The following RAP1A variants were observed in gnomAD, a reference collection of about 807,000 sequenced individuals.
The protein encoded by RAP1A is ras-related protein Rap-1A.
RAP1A carries 6 observed loss-of-function variants against 26.4 expected under a neutral mutation model. The ratio of observed to expected loss-of-function variants is 0.23; its 90% CI spans 0.12 to 0.45. The LOEUF (loss-of-function observed/expected upper bound fraction) is 0.45, where lower values mean the gene tolerates loss of function less well. Ranked by LOEUF, RAP1A falls within the 20% of genes least tolerant of loss-of-function variation. RAP1A has a pLI of 0.99. For synonymous variants in RAP1A, 73 were observed against 79.4 expected (o/e 0.92, Z 0.43); for missense variants, 121 against 217.2 (o/e 0.56, Z 2.78).
chr1:111,651,956 A>C (rs1660287339), intron 1 of RAP1A, among the ~76,000 whole-genome samples: 1 of 151,482 alleles, frequency 6.6e-6, no homozygotes, highest in African/African-American at 2.4e-5. Context: ...TTTTGTGCAA[A>C]AAGTTTAGTT....
chr1:111,615,967 G>C (rs1659007264), upstream of RAP1A, among the ~76,000 whole-genome samples: 1 of 152,142 alleles, frequency 6.6e-6, no homozygotes, highest in East Asian at 1.9e-4. Flanking sequence ...TTATTGAACA[G>C]TGCAGCTCAC....
chr1:111,635,136 C>T (rs1203061098), intron 1 of RAP1A, among the ~76,000 whole-genome samples: 1 of 152,074 alleles, frequency 6.6e-6, no homozygotes, highest in Non-Finnish European at 1.5e-5. Flanking sequence ...AAAACTAAAA[C>T]AGATGCAAAA....
At chr1:111,695,200 G>A in intron 2 of RAP1A, 141 bp from the exon 3 acceptor site, 1 of 366,304 alleles carries the variant, frequency 2.7e-6, no homozygotes, top group Non-Finnish European at 4.3e-6. Flanking sequence ...TATATTGAAA[G>A]AATTAATAAT....
intron 1 of RAP1A, among the ~76,000 whole-genome samples, chr1:111,573,092 T>C (rs1017948780): frequency 1.3e-5 from 2 of 152,236 alleles, no homozygotes; most frequent in African/African-American, 2.4e-5. Flanking sequence ...TTCTTTATTA[T>C]GGTTGCATAG....
chr1:111,618,782 A>G (rs1659068967), upstream of RAP1A, among the ~76,000 whole-genome samples: 1 of 152,094 alleles, frequency 6.6e-6, no homozygotes, highest in Non-Finnish European at 1.5e-5. Context: ...TTCACACACT[A>G]TGCCCCAAAT....
Position 111,704,327 on chromosome 1 carries a change from T to A in RAP1A, c.325-16T>A, listed in dbSNP as rs967884124. ...GAGTATGTTATTGTTCATTTTACGTTTTTTTCTTCCCACAGGTTCCAATGA... is the reference window on the plus strand; with the variant it reads ...GAGTATGTTATTGTTCATTTTACGTATTTTTCTTCCCACAGGTTCCAATGA... On this transcript the variant is annotated splice_polypyrimidine_tract_variant and intron_variant, in intron 5 of 7. Coordinates refer to ENST00000369709, the MANE Select transcript of RAP1A (RefSeq NM_002884.4). 9 of 1,612,006 alleles carry A rather than the reference T, an allele frequency of 5.6e-6. No homozygotes were observed. In the African/African-American group the frequency reaches 1.1e-4, roughly 19 times the overall value.
chr1:111,582,108 G>A lies in RAP1A; in HGVS notation c.-28+39599G>A, dbSNP rs550916112. Among the ~76,000 whole-genome samples the A allele has an allele frequency of 2.6e-5, 4 of 152,288 alleles. No homozygotes were observed. The South Asian group carries it at 8.3e-4, about 32-fold the overall frequency. On this transcript the variant is annotated intron_variant, in intron 1 of 7. Coordinates refer to the RAP1A transcript ENST00000356415. ...TCTTCATGCAATAACCAAGTCAAGT[G>A]ACATCTCAGCCTTGAATGATGAGCA...
intron 1 of RAP1A, among the ~76,000 whole-genome samples, chr1:111,581,100 A>G (rs1466528021): frequency 7.7e-6 from 1 of 129,722 alleles, no homozygotes; most frequent in Non-Finnish European, 1.8e-5. Flanking sequence ...CCCTTTATGA[A>G]GTGGGATGCA....
At chr1:111,648,654 A>G in intron 1 of RAP1A, 2 of 526,220 alleles carry the variant, frequency 3.8e-6, no homozygotes, top group East Asian at 4.4e-5. Context: ...CACTGAGTCC[A>G]GGTCAATCTT....
intron 1 of RAP1A, among the ~76,000 whole-genome samples, chr1:111,627,182 A>G (rs1659426236): frequency 6.6e-6 from 1 of 152,196 alleles, no homozygotes. Context: ...GAAAACATCC[A>G]TGATCCTATC....
At chr1:111,648,533 T>C (rs1385034815) in intron 1 of RAP1A, 28 of 558,954 alleles carry the variant, frequency 5.0e-5, no homozygotes, top group South Asian at 3.8e-4. Context: ...CCCGGGTCTG[T>C]GCCAGCTCTG....
intron 1 of RAP1A, chr1:111,649,125 A>G (rs775982663): frequency 3.4e-6 from 2 of 586,506 alleles, no homozygotes; most frequent in Non-Finnish European, 6.6e-6. Context: ...GTCAATCTGC[A>G]GAACGATGTG....
At chr1:111,562,527 A>G (rs1657780991) in intron 1 of RAP1A, among the ~76,000 whole-genome samples, 1 of 152,246 alleles carries the variant, frequency 6.6e-6, no homozygotes, top group Non-Finnish European at 1.5e-5. Context: ...AAAATGTGAC[A>G]GATGATTTGG....
chr1:111,593,558 C>T (rs1390054534), intron 1 of RAP1A, among the ~76,000 whole-genome samples: 1 of 151,176 alleles, frequency 6.6e-6, no homozygotes, highest in Non-Finnish European at 1.5e-5. Flanking sequence ...GAGGATGAGG[C>T]TCTGCTGAGA....
chr1:111,616,941 C>T (rs1659024618), upstream of RAP1A, among the ~76,000 whole-genome samples: 1 of 152,230 alleles, frequency 6.6e-6, no homozygotes, highest in African/African-American at 2.4e-5. Flanking sequence ...GAGAACAGAT[C>T]TTACCTCATC....
intron 1 of RAP1A, among the ~76,000 whole-genome samples, chr1:111,642,071 CCT>C (rs1158231995): frequency 6.6e-6 from 1 of 152,066 alleles, no homozygotes; most frequent in African/African-American, 2.4e-5. Context: ...ATGAAGAAAC[CCT>C]GTCTCTACTA....
chr1:111,614,003 T>C (rs1371363336), intron 1 of RAP1A, among the ~76,000 whole-genome samples: 1 of 152,218 alleles, frequency 6.6e-6, no homozygotes. Context: ...ACCTACTATA[T>C]TCTTGTTACT....
Position 111,679,633 on chromosome 1 carries a change from A to T in RAP1A, c.-27-11701A>T, listed in dbSNP as rs146549191. ...GTTTTGCTCAGCAGGTCCCAACCCCATGGAGTCCAGCAAGCTAAGATCACT... is the reference window on the plus strand; with the variant it reads ...GTTTTGCTCAGCAGGTCCCAACCCCTTGGAGTCCAGCAAGCTAAGATCACT... On this transcript the variant is annotated intron_variant, in intron 1 of 7. Coordinates refer to ENST00000369709, the MANE Select transcript of RAP1A (RefSeq NM_002884.4). 4.4e-3 allele frequency among the ~76,000 whole-genome samples: 666 copies of T among 152,266 alleles called. 5 individuals are homozygous for T. The highest frequency in any genetic ancestry group is 0.015 in the African/African-American group (615 of 41,542).
intron 1 of RAP1A, among the ~76,000 whole-genome samples, chr1:111,609,720 C>T (rs1658887596): frequency 6.6e-6 from 1 of 152,184 alleles, no homozygotes; most frequent in Non-Finnish European, 1.5e-5. Flanking sequence ...ACTGCAACCT[C>T]CGCCTCCTGA....
Sources: gnomAD v4.1 joint callset for allele counts (sites outside exome capture counted in the v4.1 genomes callset) on GRCh38, gnomAD v4.1.1 for gene constraint, MANE v1.5 for transcripts, NCBI Gene and HGNC (gene_info 2026-07-23, HGNC 2026-07-21) for gene names.